Variants in MSRA observed in about 807,000 individuals in gnomAD.
MSRA encodes the protein mitochondrial peptide methionine sulfoxide reductase.
In MSRA, 54 loss-of-function variants were observed where a neutral mutation model predicts 31.3. That is an observed-to-expected ratio of 1.73 (90% CI 1.39 to 2.17). The LOEUF (loss-of-function observed/expected upper bound fraction) is 2.17. Among genes scored for constraint, MSRA ranks in the 30% most tolerant of loss-of-function variants. MSRA has a pLI of 0.00. For missense variants in MSRA, 507 were observed against 300.9 expected (o/e 1.69, Z -5.07); for synonymous variants, 169 against 116.5 (o/e 1.45, Z -2.90).
chr8:10,209,942 T>C (rs1809326584), intron 2 of MSRA, among the ~76,000 whole-genome samples: 1 of 152,220 alleles, frequency 6.6e-6, no homozygotes, highest in African/African-American at 2.4e-5. Flanking sequence ...AGAAGTGCAG[T>C]TTAGCTCTTC....
chr8:10,230,553 C>T (rs2129072785), intron 2 of MSRA, among the ~76,000 whole-genome samples: 1 of 152,272 alleles, frequency 6.6e-6, no homozygotes. Flanking sequence ...AAAAGAAAAC[C>T]AGAGGCAACC....
chr8:10,093,981 C>G (rs1798991629), intron 1 of MSRA, among the ~76,000 whole-genome samples: 1 of 152,182 alleles, frequency 6.6e-6, no homozygotes, highest in Admixed American at 6.5e-5. Flanking sequence ...GGCTGTTAAT[C>G]TTACTGAGGA....
rs368562795 is a variant in MSRA, at chr8:10,069,742, A to G, written c.142+15084A>G. Among the ~76,000 whole-genome samples the G allele has an allele frequency of 2.0e-5, 3 of 152,284 alleles. No individual in the cohort carries two copies. In the South Asian group the frequency reaches 6.2e-4, roughly 32 times the overall value. ...AAGGGTACCTCCTCTTAGTACCATCACACTGGGAATTCAATTTCAACACCT... is the reference window on the plus strand; with the variant it reads ...AAGGGTACCTCCTCTTAGTACCATCGCACTGGGAATTCAATTTCAACACCT... On this transcript the variant is annotated intron_variant, in intron 1 of 5. Coordinates refer to ENST00000317173, the MANE Select transcript of MSRA (RefSeq NM_012331.5).
chr8:10,076,865 G>C (rs1476733219), intron 1 of MSRA, among the ~76,000 whole-genome samples: 1 of 151,988 alleles, frequency 6.6e-6, no homozygotes, highest in Non-Finnish European at 1.5e-5. Flanking sequence ...AGCAGAGGAT[G>C]GGGGGCTGGG....
chr8:10,373,557 C>T (rs1805594802), intron 5 of MSRA, among the ~76,000 whole-genome samples: 1 of 152,262 alleles, frequency 6.6e-6, no homozygotes, highest in Non-Finnish European at 1.5e-5. Context: ...ACTTTTGACA[C>T]AGCACTAAGT....
At chr8:10,173,297 A>G (rs2129047182) in intron 1 of MSRA, among the ~76,000 whole-genome samples, 1 of 152,376 alleles carries the variant, frequency 6.6e-6, no homozygotes, top group Admixed American at 6.5e-5. Context: ...GTAAAAGATG[A>G]AAAATTGTGT....
chr8:10,337,568 T>A, intron 5 of MSRA: 1 of 630,880 alleles, frequency 1.6e-6, no homozygotes. Context: ...CATCAATCCA[T>A]GTTCAAGCAG....
intron 5 of MSRA, among the ~76,000 whole-genome samples, chr8:10,424,459 G>A (rs1274847510): frequency 6.6e-6 from 1 of 150,676 alleles, no homozygotes; most frequent in Non-Finnish European, 1.5e-5. Flanking sequence ...ATGGGGAGAA[G>A]GCCCGGGGTG....
At chr8:10,183,248 G>A (rs1420347070) in intron 1 of MSRA, among the ~76,000 whole-genome samples, 2 of 152,218 alleles carry the variant, frequency 1.3e-5, no homozygotes, top group African/African-American at 2.4e-5. Context: ...ACACTAGGAT[G>A]TAGGAGGTGA....
intron 5 of MSRA, among the ~76,000 whole-genome samples, chr8:10,336,591 C>G (rs545309519): frequency 2.6e-4 from 39 of 152,234 alleles, no homozygotes; most frequent in African/African-American, 9.1e-4. Flanking sequence ...ATTGGGCAAA[C>G]CAGTGAAATT....
chr8:10,305,158 C>T (rs191432984), intron 4 of MSRA, among the ~76,000 whole-genome samples: 1 of 152,134 alleles, frequency 6.6e-6, no homozygotes, highest in Admixed American at 6.5e-5. Context: ...TAATTCACTG[C>T]ATTTTATAGG....
chr8:10,350,595 G>A (rs1804067914), intron 5 of MSRA, among the ~76,000 whole-genome samples: 3 of 152,228 alleles, frequency 2.0e-5, no homozygotes, highest in African/African-American at 7.2e-5. Flanking sequence ...CAGCCGTAAT[G>A]TTTGAATTGG....
chr8:10,327,793 C>T (rs1802447406), intron 5 of MSRA, among the ~76,000 whole-genome samples: 2 of 152,042 alleles, frequency 1.3e-5, no homozygotes, highest in African/African-American at 2.4e-5. Flanking sequence ...GTTAGTCAGG[C>T]GTGGTGGTGG....
At chr8:10,347,956 A>G (rs1803888707) in intron 5 of MSRA, among the ~76,000 whole-genome samples, 1 of 152,190 alleles carries the variant, frequency 6.6e-6, no homozygotes. Context: ...CCCTTACTGA[A>G]CTAAGCTCAT....
chr8:10,428,036 C>T, intron 5 of MSRA, 112 bp from the exon 6 acceptor site: 1 of 1,191,286 alleles, frequency 8.4e-7, no homozygotes, highest in South Asian at 1.6e-5. Context: ...GGACCCACTG[C>T]ACATCCCAAG....
intron 1 of MSRA, among the ~76,000 whole-genome samples, chr8:10,110,945 A>G (rs766471975): frequency 5.9e-5 from 9 of 152,052 alleles, no homozygotes; most frequent in Non-Finnish European, 8.8e-5. Flanking sequence ...CAGTCTAGCA[A>G]TTTCTTTATT....
intron 3 of MSRA, among the ~76,000 whole-genome samples, chr8:10,280,507 A>T (rs1480933978): frequency 6.6e-6 from 1 of 152,194 alleles, no homozygotes; most frequent in African/African-American, 2.4e-5. Context: ...TTTGATAGTG[A>T]TGTCTAATAG....
intron 1 of MSRA, among the ~76,000 whole-genome samples, chr8:10,117,051 C>G (rs182919611): frequency 2.0e-5 from 3 of 152,284 alleles, no homozygotes; most frequent in African/African-American, 7.2e-5. Flanking sequence ...GTGAAGGGAG[C>G]TGAAAATCCA....
rs191377853 is a variant in MSRA at position 10,061,386 on chromosome 8, C to T, written c.142+6728C>T. Among the ~76,000 whole-genome samples, 312 of 152,226 alleles carry T rather than the reference C, an allele frequency of 2.0e-3. 1 individual carries two copies. The highest frequency in any genetic ancestry group is 7.2e-3 in the African/African-American group (297 of 41,510). On this transcript the variant is annotated intron_variant, in intron 1 of 5. Transcript: ENST00000317173. Reference sequence around the variant, plus strand: ...CTTGAAATTTGCCCTGCTCTAATTCCCCTTCTCCCGGAAACCCATCCTTTT... The same window carrying T: ...CTTGAAATTTGCCCTGCTCTAATTCTCCTTCTCCCGGAAACCCATCCTTTT...
Sources: gnomAD v4.1 joint callset for allele counts (sites outside exome capture counted in the v4.1 genomes callset) on GRCh38, gnomAD v4.1.1 for gene constraint, MANE v1.5 for transcripts, NCBI Gene and HGNC (gene_info 2026-07-23, HGNC 2026-07-21) for gene names.